RETREG1: variants seen among roughly 807,000 people sequenced by gnomAD.
RETREG1 encodes reticulophagy regulator 1.
In RETREG1, 44 loss-of-function variants were observed where a neutral mutation model predicts 54.8. The observed-to-expected ratio is 0.80, with a 90% CI of 0.63 to 1.03. The LOEUF (loss-of-function observed/expected upper bound fraction) is 1.03, where lower values mean the gene tolerates loss of function less well. RETREG1 is among the 50% of genes least tolerant of loss of function. The pLI is 0.00. For missense variants in RETREG1, 554 were observed against 605.1 expected (o/e 0.92, Z 0.89); for synonymous variants, 217 against 238.5 (o/e 0.91, Z 0.83).
chr5:16,546,558 G>C (rs1579671136), intron 3 of RETREG1, among the ~76,000 whole-genome samples: 1 of 152,220 alleles, frequency 6.6e-6, no homozygotes, highest in East Asian at 1.9e-4. Flanking sequence ...TGTGATAGTA[G>C]AAATAGGAGA....
chr5:16,601,726 A>G (rs892412247), intron 1 of RETREG1, among the ~76,000 whole-genome samples: 8 of 152,192 alleles, frequency 5.3e-5, no homozygotes, highest in Non-Finnish European at 7.3e-5. Flanking sequence ...CTTTAAGAAA[A>G]TTTTCCAAAA....
chr5:16,533,653 G>A (rs1195849864), intron 3 of RETREG1, among the ~76,000 whole-genome samples: 1 of 152,032 alleles, frequency 6.6e-6, no homozygotes, highest in Non-Finnish European at 1.5e-5. Flanking sequence ...TACCCACAAG[G>A]GTTCCTGGTG....
At position 16,475,081 on chromosome 5, in the gene RETREG1, C is replaced by G. The variant is rs750674196; in HGVS notation, c.1154G>C (p.Arg385Thr). The change falls in exon 9 of 9, where the codon AGA becomes ACA. Residue 385 changes from arginine to threonine, a missense_variant. Arg to Thr is a moderately conservative substitution (Grantham distance 71, BLOSUM62 -1). Transcript: ENST00000306320. ...TGCTGATTGCGTCTCTTTGCTTGGT[C>G]TGTGACCACTGTCCAACTGTTCCTT... Reference protein sequence around the residue: ...RKKEQLDSGHRPSKETQSAAG... With the variant: ...RKKEQLDSGHTPSKETQSAAG... The G allele has an allele frequency of 9.9e-6, 16 of 1,613,864 alleles. No homozygotes were observed. The highest frequency in any genetic ancestry group is 1.3e-5 in the Non-Finnish European group (15 of 1,179,942).
In RETREG1 at chr5:16,475,092, G is replaced by C. The variant is rs1738478450; in HGVS notation, c.1143C>G (p.Asp381Glu). Residue 381 changes from aspartate (D) to glutamate (E), a missense_variant, in exon 9 of 9, where the codon GAC becomes GAG. Physicochemically the swap from Asp to Glu is conservative, Grantham distance 45. Coordinates refer to ENST00000306320, the MANE Select transcript of RETREG1 (RefSeq NM_001034850.3). ...TELKRKKEQL[D>E]SGHRPSKETQ... The stretch of plus-strand genomic sequence containing the variant: ...TCTCTTTGCTTGGTCTGTGACCACT[G>C]TCCAACTGTTCCTTCTTTCTCTTGA... 6.2e-7 allele frequency: 1 copy of C among 1,613,914 alleles called. No homozygotes were observed. The highest frequency in any genetic ancestry group is 1.1e-5 in the South Asian group (1 of 91,076).
At position 16,478,111 on chromosome 5, in the gene RETREG1, A is replaced by C. The variant is rs1446476550; in HGVS notation, c.809-13T>G. On this transcript the variant is annotated splice_polypyrimidine_tract_variant and intron_variant, in intron 6 of 8. Coordinates refer to ENST00000306320, the MANE Select transcript of RETREG1 (RefSeq NM_001034850.3). ...TCTTTGTCTGCTTCTGTTGAGGAAA[A>C]AATTTGGAAGCTTTCAGTTTCCTAG... is the stretch of plus-strand genomic sequence containing the variant. 6.2e-7 allele frequency: 1 copy of C among 1,602,790 alleles called. No individual in the cohort carries two copies. Among genetic ancestry groups the C allele is most frequent in the Non-Finnish European group, 8.5e-7 (1 of 1,170,702 alleles).
intron 1 of RETREG1, among the ~76,000 whole-genome samples, chr5:16,572,324 T>C (rs564766845): frequency 4.6e-5 from 7 of 152,124 alleles, no homozygotes; most frequent in African/African-American, 7.2e-5. Context: ...GTGATTCTCC[T>C]GCCTCAGCTT....
At chr5:16,612,251 T>C (rs1451395804) in intron 1 of RETREG1, among the ~76,000 whole-genome samples, 2 of 152,216 alleles carry the variant, frequency 1.3e-5, no homozygotes, top group Non-Finnish European at 1.5e-5. Context: ...ACTGCCAGTA[T>C]GGTTACACAG....
intron 1 of RETREG1, among the ~76,000 whole-genome samples, chr5:16,609,270 T>A (rs1436533807): frequency 6.6e-6 from 1 of 152,202 alleles, no homozygotes; most frequent in Non-Finnish European, 1.5e-5. Context: ...GAACAACACA[T>A]GCCTCACTGG....
At chr5:16,546,213 G>T (rs925465946) in intron 3 of RETREG1, among the ~76,000 whole-genome samples, 1 of 151,988 alleles carries the variant, frequency 6.6e-6, no homozygotes, top group African/African-American at 2.4e-5. Flanking sequence ...TGTTGCCTAG[G>T]CTGGAGTACA....
chr5:16,523,557 G>A (rs34344458), intron 3 of RETREG1, among the ~76,000 whole-genome samples: 26,146 of 151,970 alleles, frequency 0.17, 2,699 homozygotes, highest in Middle Eastern at 0.26. Flanking sequence ...CACTGGTGTC[G>A]TTAACTTGAT....
chr5:16,609,686 G>T (rs192291171), intron 1 of RETREG1, among the ~76,000 whole-genome samples: 1 of 152,256 alleles, frequency 6.6e-6, no homozygotes, highest in East Asian at 1.9e-4. Flanking sequence ...AAGGGCCCAG[G>T]ATTTCTCAGC....
At position 16,489,657 on chromosome 5, in the gene RETREG1, C is replaced by T. The variant is rs140060977; in HGVS notation, c.459-6185G>A. Among the ~76,000 whole-genome samples the T allele has an allele frequency of 2.4e-3, 363 of 152,324 alleles. 1 individual carries two copies. Among genetic ancestry groups the T allele is most frequent in the African/African-American group, 8.4e-3 (349 of 41,580 alleles). On this transcript the variant is annotated intron_variant, in intron 3 of 8. Coordinates refer to ENST00000306320, the MANE Select transcript of RETREG1 (RefSeq NM_001034850.3). Reference sequence around the variant, plus strand: ...TATGCAGTGAATGTACATTAACTGTCACCATTCCTGGCTCTGGGACTGAGG... The same window carrying T: ...TATGCAGTGAATGTACATTAACTGTTACCATTCCTGGCTCTGGGACTGAGG...
chr5:16,562,205 C>T (rs1741873401), intron 3 of RETREG1, among the ~76,000 whole-genome samples: 1 of 152,292 alleles, frequency 6.6e-6, no homozygotes, highest in Middle Eastern at 3.4e-3. Context: ...ATCCCAGCTA[C>T]TCGGGAGGCT....
At chr5:16,603,057 C>T (rs1450148780) in intron 1 of RETREG1, among the ~76,000 whole-genome samples, 1 of 151,992 alleles carries the variant, frequency 6.6e-6, no homozygotes, top group South Asian at 2.1e-4. Context: ...TTAGAAAAGT[C>T]AATATAGAGC....
intron 3 of RETREG1, among the ~76,000 whole-genome samples, chr5:16,504,401 T>C (rs145326969): frequency 8.3e-4 from 126 of 152,320 alleles, no homozygotes; most frequent in African/African-American, 2.8e-3. Flanking sequence ...TCAACCACAG[T>C]GGGAGTATTT....
chr5:16,526,208 G>C (rs1740712704), intron 3 of RETREG1, among the ~76,000 whole-genome samples: 1 of 152,244 alleles, frequency 6.6e-6, no homozygotes, highest in African/African-American at 2.4e-5. Context: ...AGATTCTGTA[G>C]AGAAATATTT....
At chr5:16,489,917 T>G (rs1379540684) in intron 3 of RETREG1, among the ~76,000 whole-genome samples, 2 of 152,252 alleles carry the variant, frequency 1.3e-5, no homozygotes, top group East Asian at 3.8e-4. Flanking sequence ...CAGGACAATG[T>G]TTTAGCATAT....
chr5:16,490,010 A>G (rs564890219), intron 3 of RETREG1, among the ~76,000 whole-genome samples: 1 of 152,344 alleles, frequency 6.6e-6, no homozygotes, highest in South Asian at 2.1e-4. Flanking sequence ...AAGCTAAAAT[A>G]TTTTCACATA....
In RETREG1 at chr5:16,499,018, AT is replaced by A. The variant is rs1228061592; in HGVS notation, c.459-15547del. Among the ~76,000 whole-genome samples, 25 of 151,190 alleles carry A rather than the reference AT, an allele frequency of 1.7e-4. No individual in the cohort carries two copies. The East Asian group carries it at 4.9e-3, about 29-fold the overall frequency. On this transcript the variant is annotated intron_variant, in intron 3 of 8. Transcript: ENST00000306320. ...AACACACATTGTATAGCTCTACAAA[AT>A]TTTTTTCTTTTTATCTTTGTTTTAT...
Sources: gnomAD v4.1 joint callset for allele counts (sites outside exome capture counted in the v4.1 genomes callset) on GRCh38, gnomAD v4.1.1 for gene constraint, MANE v1.5 for transcripts, NCBI Gene and HGNC (gene_info 2026-07-23, HGNC 2026-07-21) for gene names.